The following ANP32B variants were observed in gnomAD, a reference collection of about 807,000 sequenced individuals.
ANP32B encodes acidic nuclear phosphoprotein 32 family member B.
Under a neutral mutation model 32.2 loss-of-function variants are expected in ANP32B, and 6 were observed. The ratio of observed to expected loss-of-function variants is 0.19; its 90% CI spans 0.10 to 0.37. The LOEUF is 0.37. Among genes scored for constraint, ANP32B ranks in the 10% least tolerant of loss-of-function variants. The probability of loss-of-function intolerance (pLI) is 1.00; values close to 1 mark genes in which losing one functional copy is unlikely to be tolerated. For synonymous variants in ANP32B, 98 were observed against 105.8 expected, an observed-to-expected ratio of 0.93 and a Z score of 0.45; for missense variants, 204 against 289.2, an observed-to-expected ratio of 0.71 and a Z score of 2.14.
intron 3 of ANP32B, chr9:98,002,198 T>C (rs1187432664): frequency 6.6e-6 from 1 of 152,200 alleles, no homozygotes; most frequent in African/African-American, 2.4e-5. Context: ...ATTAACCACA[T>C]ACATTTTGAA....
At chr9:98,000,507 T>C (rs1371599680) in intron 3 of ANP32B, among the ~76,000 whole-genome samples, 2 of 152,172 alleles carry the variant, frequency 1.3e-5, no homozygotes, top group Non-Finnish European at 2.9e-5. Flanking sequence ...ACATGAACAT[T>C]TGCCCATTGT....
At chr9:98,007,457 T>TG (rs1182970594) in intron 4 of ANP32B, among the ~76,000 whole-genome samples, 2 of 152,234 alleles carry the variant, frequency 1.3e-5, no homozygotes, top group Non-Finnish European at 2.9e-5. Context: ...CTGCCGATGT[T>TG]GACAACATGG....
chr9:98,006,002 C>T (rs903743479), intron 4 of ANP32B, among the ~76,000 whole-genome samples: 1 of 152,118 alleles, frequency 6.6e-6, no homozygotes, highest in Non-Finnish European at 1.5e-5. Context: ...ATTAGATTCT[C>T]ATAGGAACGA....
intron 6 of ANP32B, among the ~76,000 whole-genome samples, chr9:98,014,264 CG>C (rs962308618): frequency 3.6e-4 from 54 of 151,926 alleles, no homozygotes; most frequent in African/African-American, 1.3e-3. Context: ...AAAAATTAGC[CG>C]GGTGTGGTGG....
At chr9:97,988,307 T>A in intron 1 of ANP32B, among the ~76,000 whole-genome samples, 1 of 152,320 alleles carries the variant, frequency 6.6e-6, no homozygotes, top group African/African-American at 2.4e-5. Flanking sequence ...GATTTTTTTT[T>A]CCATCTGCCA....
chr9:98,001,635 A>G (rs988662810), intron 3 of ANP32B, among the ~76,000 whole-genome samples: 2 of 152,162 alleles, frequency 1.3e-5, no homozygotes, highest in East Asian at 1.9e-4. Context: ...GCACACAGCA[A>G]TGGAGCAGAA....
intron 1 of ANP32B, among the ~76,000 whole-genome samples, chr9:97,986,062 CCA>C (rs1827726768): frequency 1.3e-5 from 2 of 152,182 alleles, no homozygotes; most frequent in South Asian, 2.1e-4. Flanking sequence ...CTCGGGTGAT[CCA>C]CCCGCCTCGG....
chr9:97,985,157 G>A (rs1159769578), intron 1 of ANP32B, among the ~76,000 whole-genome samples: 1 of 150,788 alleles, frequency 6.6e-6, no homozygotes, highest in African/African-American at 2.4e-5. Flanking sequence ...GGGCGGCCCC[G>A]CGGGGCCTCC....
intron 1 of ANP32B, among the ~76,000 whole-genome samples, chr9:97,990,638 G>A (rs114622884): frequency 0.013 from 1,955 of 152,072 alleles, 38 homozygotes; most frequent in African/African-American, 0.043. Flanking sequence ...CCTCTTACTG[G>A]TAGAGGCAAT....
chr9:98,010,588 G>T (rs771870350), intron 4 of ANP32B, among the ~76,000 whole-genome samples: 19 of 152,066 alleles, frequency 1.2e-4, no homozygotes, highest in Admixed American at 7.2e-4. Flanking sequence ...CTCCAAGGTG[G>T]AGTCAGAGTT....
At position 98,005,046 on chromosome 9, in the gene ANP32B, A is replaced by C. The variant is rs1302544606; in HGVS notation, c.410A>C (p.Lys137Thr). 2.5e-6 allele frequency: 4 copies of C among 1,614,054 alleles called. No individual in the cohort carries two copies. Among genetic ancestry groups the C allele is most frequent in the Non-Finnish European group, 3.4e-6 (4 of 1,180,004 alleles). ...NLNDYRESVF[K>T]LLPQLTYLDG... is the part of the protein sequence containing the mutation. ...AATGACTACCGAGAGAGTGTCTTCAAGCTCCTGCCCCAGCTTACCTACTTG... is the reference window on the plus strand; with the variant it reads ...AATGACTACCGAGAGAGTGTCTTCACGCTCCTGCCCCAGCTTACCTACTTG... The change falls in exon 4 of 7, where the codon AAG (lysine) becomes ACG (threonine). Residue 137 changes from lysine to threonine, a missense_variant. Lys to Thr is a moderately conservative substitution (Grantham distance 78). Transcript: ENST00000339399.
intron 1 of ANP32B, among the ~76,000 whole-genome samples, chr9:97,991,398 A>G (rs1266595909): frequency 1.3e-5 from 2 of 152,168 alleles, no homozygotes; most frequent in Non-Finnish European, 2.9e-5. Flanking sequence ...TGTAGGCACT[A>G]GCCACTGCAC....
chr9:98,015,599 T>C lies in ANP32B; in HGVS notation c.*168T>C, dbSNP rs1804723. 8.2e-6 allele frequency: 11 copies of C among 1,345,686 alleles called. No individual in the cohort carries two copies. In the South Asian group the frequency reaches 1.6e-4, roughly 20 times the overall value. The allele number at this position is 1,345,686 out of a possible 1,614,324, so 83.4% of individuals were successfully genotyped here. On this transcript the variant is annotated 3_prime_UTR_variant, in exon 7 of 7. Coordinates refer to ENST00000339399, the MANE Select transcript of ANP32B (RefSeq NM_006401.3). ...CCTGTGACATTCCGCCTTCCTTCCA[T>C]GTAGTCCCTCTTGGTAATCTACCAC...
At chr9:97,992,199 C>T (rs922306866) in intron 1 of ANP32B, among the ~76,000 whole-genome samples, 2 of 152,146 alleles carry the variant, frequency 1.3e-5, no homozygotes, top group South Asian at 2.1e-4. Context: ...AAGCAATTCT[C>T]CTGCCTCAGC....
chr9:97,994,101 C>T (rs1827870128), intron 1 of ANP32B, among the ~76,000 whole-genome samples: 1 of 151,910 alleles, frequency 6.6e-6, no homozygotes. Flanking sequence ...ATTTTTTTTC[C>T]CAGTGTCAAG....
Position 98,011,406 on chromosome 9 carries a change from T to G in ANP32B, c.636+17T>G. 2 of 1,581,266 alleles carry G rather than the reference T, an allele frequency of 1.3e-6. No homozygotes were observed. The highest frequency in any genetic ancestry group is 1.7e-6 in the Non-Finnish European group (2 of 1,162,164). On this transcript the variant is annotated intron_variant, in intron 5 of 6. Coordinates refer to ENST00000339399, the MANE Select transcript of ANP32B (RefSeq NM_006401.3). Reference sequence around the variant, plus strand: ...AGTGAGGAGGTCAGTGCAGCTGTTTTCTACCCTGCTTCCTATTTGTAATTA... The same window carrying G: ...AGTGAGGAGGTCAGTGCAGCTGTTTGCTACCCTGCTTCCTATTTGTAATTA...
chr9:97,997,453 C>T (rs544163432), intron 2 of ANP32B, among the ~76,000 whole-genome samples: 1 of 152,280 alleles, frequency 6.6e-6, no homozygotes, highest in Non-Finnish European at 1.5e-5. Flanking sequence ...AGCTTTCATG[C>T]TATTCTAGGT....
At chr9:98,005,947 T>C (rs1828074931) in intron 4 of ANP32B, among the ~76,000 whole-genome samples, 1 of 152,154 alleles carries the variant, frequency 6.6e-6, no homozygotes. Context: ...TCCCCATTGC[T>C]CACATTACTG....
At chr9:97,991,861 CTG>C (rs945838690) in intron 1 of ANP32B, among the ~76,000 whole-genome samples, 79 of 152,330 alleles carry the variant, frequency 5.2e-4, no homozygotes, top group African/African-American at 1.8e-3. Flanking sequence ...TATCCACACA[CTG>C]TGCTTTCTTA....
Sources: allele counts gnomAD v4.1 joint callset (sites outside exome capture counted in the v4.1 genomes callset), GRCh38; gene constraint gnomAD v4.1.1; transcripts MANE v1.5; gene names NCBI Gene and HGNC (gene_info 2026-07-23, HGNC 2026-07-21).